The following SYN1 variants were observed in gnomAD, a reference collection of about 807,000 sequenced individuals.
SYN1 encodes synapsin I.
In SYN1, 8 loss-of-function variants were observed where a neutral mutation model predicts 44.6. The ratio of observed to expected loss-of-function variants is 0.18; its 90% CI spans 0.11 to 0.32. SYN1 has a LOEUF of 0.32. SYN1 is among the 10% of genes least tolerant of loss of function. The pLI, the probability that SYN1 is intolerant of heterozygous loss-of-function variation, is 1.00. For synonymous variants in SYN1, 275 were observed against 280.1 expected (o/e 0.98, Z 0.18); for missense variants, 451 against 639.4 (o/e 0.71, Z 3.18).
chrX:47,585,191 T>C (rs1463301336), intron 5 of SYN1: 3 of 1,172,997 alleles, frequency 2.6e-6, no homozygotes. Context: ...ACACTTCCCC[T>C]CATCCATCAA....
chrX:47,613,741 C>T (rs894101108), intron 1 of SYN1, among the ~76,000 whole-genome samples: 5 of 111,454 alleles, frequency 4.5e-5, no homozygotes, highest in African/African-American at 3.3e-5. Context: ...TTACACACCA[C>T]GCCACCCGGG....
chrX:47,578,281 C>G (rs1206762206), intron 5 of SYN1, among the ~76,000 whole-genome samples: 1 of 110,839 alleles, frequency 9.0e-6, no homozygotes, highest in Non-Finnish European at 1.9e-5. Flanking sequence ...AAGAGACACA[C>G]AACTCCACAG....
At position 47,576,495 on chromosome X, in the gene SYN1, C is replaced by T; in HGVS notation, c.980+3G>A. On this transcript the variant is annotated splice_donor_region_variant and intron_variant, in intron 7 of 12. Transcript: ENST00000295987. ...CTTCCAGGGCTTTGGTCTCTCCACT[C>T]ACATGTAGGCCTTGTAGTTCTGCCC... The T allele has an allele frequency of 8.2e-7, 1 of 1,212,178 alleles. No homozygotes were observed. The highest frequency in any genetic ancestry group is 1.1e-6 in the Non-Finnish European group (1 of 895,624).
intron 1 of SYN1, among the ~76,000 whole-genome samples, chrX:47,617,505 C>T (rs1274242195): frequency 3.6e-5 from 4 of 110,644 alleles, no homozygotes; most frequent in Non-Finnish European, 7.6e-5. Flanking sequence ...ACTAAAAGCC[C>T]TTTGGGGGTA....
At chrX:47,597,335 C>CAAA (rs759461408) in intron 5 of SYN1, among the ~76,000 whole-genome samples, 1 of 48,971 alleles carries the variant, frequency 2.0e-5, no homozygotes, top group Non-Finnish European at 3.9e-5. Context: ...AACTCCATCT[C>CAAA]AAAAAAAAAA....
intron 5 of SYN1, chrX:47,590,089 A>C (rs2057842804): frequency 9.0e-6 from 1 of 110,907 alleles, no homozygotes; most frequent in Admixed American, 9.6e-5. Context: ...CTGATGTGAT[A>C]CTAAGATCCC....
At position 47,576,149 on chromosome X, in the gene SYN1, T is replaced by C. The variant is rs1006497823; in HGVS notation, c.1140A>G (p.Gly380=). ...CAVEALHGKD[G]RDHIIEVVGS... Reference sequence around the variant, plus strand: ...CTCATACCTCAATGATGTGATCCCTTCCGTCCTTGCCATGTAGCGCTTCCA... The same window carrying C: ...CTCATACCTCAATGATGTGATCCCTCCCGTCCTTGCCATGTAGCGCTTCCA... The change falls in exon 9 of 13, where the codon GGA becomes GGG. Residue 380 remains glycine, a synonymous_variant. Transcript: ENST00000295987. 5.0e-6 allele frequency: 6 copies of C among 1,202,125 alleles called. No individual in the cohort carries two copies. The highest frequency in any genetic ancestry group is 6.7e-6 in the Non-Finnish European group (6 of 890,544).
rs1410010499 is a variant in SYN1 at position 47,575,277 on chromosome X, G to A, written c.1159-3C>T. 3 of 1,208,767 alleles carry A rather than the reference G, an allele frequency of 2.5e-6. No homozygotes were observed. The highest frequency in any genetic ancestry group is 3.5e-5 in the African/African-American group (2 of 57,497). On this transcript the variant is annotated splice_region_variant and splice_polypyrimidine_tract_variant and intron_variant, in intron 9 of 12. Transcript: ENST00000295987. Reference sequence around the variant, plus strand: ...AGCGGCATGGAGGAACCCACCACCTGGGGGAAGGAAAGGATCCGTGAGGGG... The same window carrying A: ...AGCGGCATGGAGGAACCCACCACCTAGGGGAAGGAAAGGATCCGTGAGGGG...
At chrX:47,582,878 A>G (rs1166791608) in intron 5 of SYN1, among the ~76,000 whole-genome samples, 1 of 91,134 alleles carries the variant, frequency 1.1e-5, no homozygotes, top group Non-Finnish European at 2.2e-5. Context: ...TTGCCCTCAA[A>G]TTCCTCAAGT....
chrX:47,578,882 C>G (rs1178831716), intron 5 of SYN1, among the ~76,000 whole-genome samples: 3 of 111,607 alleles, frequency 2.7e-5, no homozygotes, highest in African/African-American at 9.8e-5. Flanking sequence ...GCACACCCCC[C>G]CTTCCTCATT....
chrX:47,607,282 T>C, intron 1 of SYN1, 84 bp from the exon 2 acceptor site: 2 of 871,175 alleles, frequency 2.3e-6, no homozygotes, highest in Non-Finnish European at 3.4e-6. Flanking sequence ...TTTTGCCCCT[T>C]CAATGCTACT....
At chrX:47,586,793 A>C in intron 5 of SYN1, 1 of 1,040,141 alleles carries the variant, frequency 9.6e-7, no homozygotes, top group Non-Finnish European at 1.3e-6. Flanking sequence ...CCCAGCAGAC[A>C]CTGTTTCTGT....
intron 5 of SYN1, among the ~76,000 whole-genome samples, chrX:47,604,278 G>A (rs967377077): frequency 4.6e-5 from 5 of 109,373 alleles, no homozygotes; most frequent in Admixed American, 9.8e-5. Context: ...GGGAGGCTGA[G>A]GTGGGACTCT....
At position 47,585,198 on chromosome X, in the gene SYN1, T is replaced by C. The variant is rs768079946; in HGVS notation, c.775-7697A>G. On this transcript the variant is annotated intron_variant, in intron 5 of 12. Coordinates refer to ENST00000295987, the MANE Select transcript of SYN1 (RefSeq NM_006950.3). ...TAAAAGAGACACTTCCCCTCATCCA[T>C]CAACAGATGTATAAAGGGTTCCAAG... 5 of 1,176,526 alleles carry C rather than the reference T, an allele frequency of 4.2e-6. No homozygotes were observed. The African/African-American group carries it at 5.3e-5, about 13-fold the overall frequency.
intron 5 of SYN1, among the ~76,000 whole-genome samples, chrX:47,589,498 A>T (rs1008253154): frequency 9.6e-6 from 1 of 104,528 alleles, no homozygotes; most frequent in Admixed American, 1.1e-4. Flanking sequence ...GCTACTCGAG[A>T]GGCAGGAGAA....
At chrX:47,576,022 C>A in intron 9 of SYN1, 109 bp downstream of exon 9, 1 of 801,054 alleles carries the variant, frequency 1.2e-6, no homozygotes, top group Non-Finnish European at 1.8e-6. Context: ...GTGTACTAAG[C>A]ACATTGCTGT....
At chrX:47,604,560 A>C (rs1361359001) in intron 5 of SYN1, 1 of 198,973 alleles carries the variant, frequency 5.0e-6, no homozygotes, top group East Asian at 1.4e-4. Context: ...CAACAATTTA[A>C]TTTATAACAT....
intron 5 of SYN1, among the ~76,000 whole-genome samples, chrX:47,599,744 G>A (rs1222767858): frequency 2.7e-5 from 3 of 112,075 alleles, no homozygotes; most frequent in East Asian, 2.8e-4. Flanking sequence ...CACTGCAGCC[G>A]CAAGTGCCAT....
intron 1 of SYN1, among the ~76,000 whole-genome samples, chrX:47,613,088 G>A (rs750735619): frequency 4.9e-5 from 5 of 101,394 alleles, no homozygotes; most frequent in African/African-American, 1.5e-4. Context: ...AGCCAAGATC[G>A]TGCCACAGCA....
Sources: gnomAD v4.1 joint callset for allele counts (sites outside exome capture counted in the v4.1 genomes callset) on GRCh38, gnomAD v4.1.1 for gene constraint, MANE v1.5 for transcripts, NCBI Gene and HGNC (gene_info 2026-07-23, HGNC 2026-07-21) for gene names.